MCC: variants seen among roughly 807,000 people sequenced by gnomAD.
The protein encoded by MCC is colorectal mutant cancer protein.
In MCC, 90 loss-of-function variants were observed where a neutral mutation model predicts 116.2. The ratio of observed to expected loss-of-function variants is 0.77; its 90% CI spans 0.65 to 0.92. The LOEUF is 0.92. Among genes scored for constraint, MCC ranks in the 40% least tolerant of loss-of-function variants. The pLI is 0.00. For synonymous variants in MCC, 578 were observed against 510.5 expected (o/e 1.13, Z -1.78); for missense variants, 1,516 against 1,312.2 (o/e 1.16, Z -2.40).
intron 3 of MCC, among the ~76,000 whole-genome samples, chr5:113,229,377 T>C (rs1763859116): frequency 6.6e-6 from 1 of 152,228 alleles, no homozygotes; most frequent in Non-Finnish European, 1.5e-5. Context: ...TGATAACTAA[T>C]AGCAACCAGA....
intron 3 of MCC, among the ~76,000 whole-genome samples, chr5:113,326,142 A>G (rs1767545442): frequency 6.6e-6 from 1 of 152,248 alleles, no homozygotes; most frequent in Non-Finnish European, 1.5e-5. Flanking sequence ...ACATTTAAGT[A>G]TGAATCAAGA....
At chr5:113,107,438 G>T (rs1006411952) in intron 6 of MCC, among the ~76,000 whole-genome samples, 2 of 151,976 alleles carry the variant, frequency 1.3e-5, no homozygotes, top group East Asian at 3.9e-4. Flanking sequence ...GGCTAGTCTC[G>T]AACTCCTGAC....
At chr5:113,071,020 T>C in intron 12 of MCC, 74 bp downstream of exon 12, 2 of 1,520,720 alleles carry the variant, frequency 1.3e-6, no homozygotes, top group South Asian at 2.6e-5. Context: ...GCCTATTTCC[T>C]ACTTTTATTC....
chr5:113,224,206 T>C (rs2150330755), intron 3 of MCC, among the ~76,000 whole-genome samples: 1 of 152,278 alleles, frequency 6.6e-6, no homozygotes, highest in Non-Finnish European at 1.5e-5. Flanking sequence ...GTGATTCTCC[T>C]GCCTCAGCCT....
chr5:113,398,605 A>C (rs935158898), intron 1 of MCC, among the ~76,000 whole-genome samples: 4 of 152,208 alleles, frequency 2.6e-5, no homozygotes, highest in African/African-American at 9.6e-5. Context: ...ACATGTTCTC[A>C]CTTATAAGTA....
intron 3 of MCC, among the ~76,000 whole-genome samples, chr5:113,200,992 T>A (rs11738528): frequency 0.48 from 72,574 of 152,142 alleles, 21,255 homozygotes; most frequent in East Asian, 0.71. Context: ...TGGAGTATGA[T>A]GGATGGAGAC....
intron 17 of MCC, among the ~76,000 whole-genome samples, chr5:113,034,572 G>C (rs930026420): frequency 1.3e-5 from 2 of 152,356 alleles, no homozygotes; most frequent in South Asian, 4.1e-4. Flanking sequence ...GCTGTAATCA[G>C]ACCAAACCAC....
At chr5:113,109,342 T>A (rs1398408409) in intron 6 of MCC, among the ~76,000 whole-genome samples, 2 of 152,084 alleles carry the variant, frequency 1.3e-5, no homozygotes, top group East Asian at 3.8e-4. Flanking sequence ...AAAAAAGAAA[T>A]AAAATTCTTT....
At chr5:113,186,226 A>C (rs575108052) in intron 3 of MCC, among the ~76,000 whole-genome samples, 1 of 152,288 alleles carries the variant, frequency 6.6e-6, no homozygotes, top group South Asian at 2.1e-4. Context: ...CCTGCTTCTC[A>C]CACAGGGAAA....
At chr5:113,077,027 C>G (rs1176181363) in intron 11 of MCC, among the ~76,000 whole-genome samples, 2 of 152,130 alleles carry the variant, frequency 1.3e-5, no homozygotes, top group Non-Finnish European at 2.9e-5. Flanking sequence ...ATAAAACAGA[C>G]TTTAAACCAA....
chr5:113,310,948 TAGAGATATAATAGCAATTAAAA>T (rs1767122164), intron 3 of MCC, among the ~76,000 whole-genome samples: 1 of 152,204 alleles, frequency 6.6e-6, no homozygotes, highest in Non-Finnish European at 1.5e-5. Context: ...TGTTGGGTAC[TAGAGATATAATAGCAATTAAAA>T]AGAAGTCCAC....
Position 113,111,712 on chromosome 5 carries a change from G to A in MCC, c.1028-7357C>T, listed in dbSNP as rs537007243. ...AACCATAAAACTGGTATCGTTACAC[G>A]TCATTTCATTTAAAGTTGCATTTTC... On this transcript the variant is annotated intron_variant, in intron 6 of 18. Coordinates refer to ENST00000408903, the MANE Select transcript of MCC (RefSeq NM_001085377.2). Among the ~76,000 whole-genome samples, 14 of 152,236 alleles carry A rather than the reference G, an allele frequency of 9.2e-5. No homozygotes were observed. In the South Asian group the frequency reaches 1.7e-3, roughly 18 times the overall value.
chr5:113,457,435 G>A (rs929801965), intron 1 of MCC, among the ~76,000 whole-genome samples: 6 of 152,332 alleles, frequency 3.9e-5, no homozygotes, highest in Admixed American at 1.3e-4. Context: ...CCCCGCCTCC[G>A]TGGGCTCCTG....
chr5:113,263,251 T>C (rs987947208), intron 3 of MCC, among the ~76,000 whole-genome samples: 1 of 152,158 alleles, frequency 6.6e-6, no homozygotes, highest in African/African-American at 2.4e-5. Flanking sequence ...TGGAGAAGAT[T>C]GCAGCTAAAT....
In MCC at chr5:113,101,810, C is replaced by T. The variant is rs748580064; in HGVS notation, c.1327G>A (p.Glu443Lys). 3 of 1,613,588 alleles carry T rather than the reference C, an allele frequency of 1.9e-6. No individual in the cohort carries two copies. The Admixed American group carries it at 5.0e-5, about 27-fold the overall frequency. The stretch of plus-strand genomic sequence containing the variant: ...GCCTTAGTCCGGTTCAGTTCTTCCT[C>T]TTTGCTGCACAGCATGGCAGTCAGG... ...ESLTAMLCSK[E>K]EELNRTKATM... is the part of the protein sequence containing the mutation. Residue 443 changes from glutamate to lysine, a missense_variant, in exon 8 of 19, where the codon GAG becomes AAG. Coordinates refer to ENST00000408903, the MANE Select transcript of MCC (RefSeq NM_001085377.2).
intron 1 of MCC, among the ~76,000 whole-genome samples, chr5:113,390,929 A>C (rs923763383): frequency 6.6e-6 from 1 of 152,244 alleles, no homozygotes. Flanking sequence ...CACACAAAAA[A>C]TGTAATTTAG....
At chr5:113,376,237 T>G (rs530196451) in intron 2 of MCC, among the ~76,000 whole-genome samples, 3 of 152,270 alleles carry the variant, frequency 2.0e-5, no homozygotes, top group African/African-American at 7.2e-5. Flanking sequence ...AGACTGACAA[T>G]AAATTGAAAA....
intron 3 of MCC, among the ~76,000 whole-genome samples, chr5:113,210,075 C>A (rs1268988328): frequency 1.3e-5 from 2 of 152,106 alleles, no homozygotes; most frequent in African/African-American, 4.8e-5. Flanking sequence ...ATGTGATATA[C>A]CCTATGACAT....
chr5:113,221,640 C>A (rs1763555706), intron 3 of MCC, among the ~76,000 whole-genome samples: 1 of 152,226 alleles, frequency 6.6e-6, no homozygotes, highest in African/African-American at 2.4e-5. Context: ...GCAGACCCTG[C>A]ACTCCATGGA....
Sources: allele counts gnomAD v4.1 joint callset (sites outside exome capture counted in the v4.1 genomes callset), GRCh38; gene constraint gnomAD v4.1.1; transcripts MANE v1.5; gene names NCBI Gene and HGNC (gene_info 2026-07-23, HGNC 2026-07-21).